TMOD3: variants seen among roughly 807,000 people sequenced by gnomAD.
TMOD3 encodes tropomodulin-3.
A neutral mutation model predicts 39.2 loss-of-function variants in TMOD3; 20 were observed. The observed-to-expected ratio is 0.51, with a 90% CI of 0.36 to 0.74. TMOD3 has a LOEUF of 0.74. Ranked by LOEUF, TMOD3 falls within the 30% of genes least tolerant of loss-of-function variation. The probability of loss-of-function intolerance (pLI) is 0.00; values close to 1 mark genes in which losing one functional copy is unlikely to be tolerated. For missense variants in TMOD3, 381 were observed against 412.8 expected, an observed-to-expected ratio of 0.92 and a Z score of 0.67; for synonymous variants, 143 against 145.8, an observed-to-expected ratio of 0.98 and a Z score of 0.14.
intron 9 of TMOD3, among the ~76,000 whole-genome samples, chr15:51,905,235 C>T (rs1016014728): frequency 3.3e-5 from 5 of 152,182 alleles, no homozygotes; most frequent in Admixed American, 1.3e-4. Context: ...CAGTGGCTCA[C>T]GCCTGTAATC....
chr15:51,875,853 C>T (rs796784955), intron 3 of TMOD3, among the ~76,000 whole-genome samples: 1 of 152,030 alleles, frequency 6.6e-6, no homozygotes, highest in Non-Finnish European at 1.5e-5. Flanking sequence ...CTCCTGACCT[C>T]GTGATCCACC....
intron 1 of TMOD3, among the ~76,000 whole-genome samples, chr15:51,844,376 A>G (rs910512043): frequency 6.6e-6 from 1 of 152,078 alleles, no homozygotes; most frequent in Non-Finnish European, 1.5e-5. Flanking sequence ...GGGGAGGAAA[A>G]CCCTCCGAAA....
At chr15:51,883,149 G>A (rs1436874961) in intron 3 of TMOD3, among the ~76,000 whole-genome samples, 2 of 152,114 alleles carry the variant, frequency 1.3e-5, no homozygotes, top group Non-Finnish European at 2.9e-5. Flanking sequence ...ATAAAGAGGA[G>A]TGCCAGAAGA....
At chr15:51,888,318 T>C (rs1326639252) in intron 4 of TMOD3, among the ~76,000 whole-genome samples, 2 of 152,186 alleles carry the variant, frequency 1.3e-5, no homozygotes, top group Non-Finnish European at 2.9e-5. Flanking sequence ...CAGGAACTAA[T>C]AAATTTGAAT....
intron 1 of TMOD3, among the ~76,000 whole-genome samples, chr15:51,854,772 G>A (rs772788901): frequency 2.6e-5 from 4 of 152,184 alleles, no homozygotes; most frequent in African/African-American, 4.8e-5. Flanking sequence ...TATGGCAACT[G>A]AAATCCCACA....
In TMOD3 at chr15:51,908,773, T is replaced by C. The variant is rs758413403; in HGVS notation, c.1025-3T>C. On this transcript the variant is annotated splice_region_variant and splice_polypyrimidine_tract_variant and intron_variant, in intron 9 of 9. Coordinates refer to ENST00000308580, the MANE Select transcript of TMOD3 (RefSeq NM_014547.5). ...AACATAGTTTCTTTTATTTTTCTCA[T>C]AGTGCGTAAGAGACGAGTTGAAGGA... The C allele has an allele frequency of 3.8e-6, 6 of 1,595,944 alleles. No homozygotes were observed. The highest frequency in any genetic ancestry group is 2.7e-5 in the African/African-American group (2 of 74,134).
intron 2 of TMOD3, among the ~76,000 whole-genome samples, chr15:51,868,798 C>G (rs2056460344): frequency 6.6e-6 from 1 of 152,100 alleles, no homozygotes; most frequent in African/African-American, 2.4e-5. Flanking sequence ...ATGGCAAAAC[C>G]CCATCTCTAC....
At chr15:51,867,006 G>A (rs1310506581) in intron 2 of TMOD3, among the ~76,000 whole-genome samples, 3 of 152,164 alleles carry the variant, frequency 2.0e-5, no homozygotes, top group Non-Finnish European at 2.9e-5. Flanking sequence ...AAAAGGGATA[G>A]GCAGAGCATT....
At chr15:51,860,026 C>A in intron 1 of TMOD3, 1 of 536,258 alleles carries the variant, frequency 1.9e-6, no homozygotes, top group Non-Finnish European at 3.8e-6. Flanking sequence ...TTGGCAGAGT[C>A]TTCACTGCCT....
chr15:51,874,238 G>A (rs1387024777), intron 3 of TMOD3, among the ~76,000 whole-genome samples: 1 of 152,138 alleles, frequency 6.6e-6, no homozygotes, highest in African/African-American at 2.4e-5. Context: ...ACACTTAAGA[G>A]TTATTATATG....
chr15:51,906,401 C>T (rs1382154932), intron 9 of TMOD3, among the ~76,000 whole-genome samples: 1 of 152,158 alleles, frequency 6.6e-6, no homozygotes, highest in Non-Finnish European at 1.5e-5. Flanking sequence ...ATTTTGATAA[C>T]ATCGTTCCCT....
chr15:51,885,723 C>A (rs528567663), intron 3 of TMOD3, among the ~76,000 whole-genome samples: 2 of 152,228 alleles, frequency 1.3e-5, no homozygotes, highest in African/African-American at 2.4e-5. Flanking sequence ...CCGATTTCTC[C>A]TTCTTTTCCC....
intron 6 of TMOD3, among the ~76,000 whole-genome samples, chr15:51,895,192 C>G (rs1356413584): frequency 6.6e-6 from 1 of 151,066 alleles, no homozygotes; most frequent in African/African-American, 2.4e-5. Flanking sequence ...TCAGAGAAAG[C>G]TTATATTCAT....
intron 1 of TMOD3, chr15:51,833,175 A>G (rs2056264786): frequency 6.6e-6 from 1 of 152,262 alleles, no homozygotes; most frequent in Non-Finnish European, 1.5e-5. Context: ...ATAAAAAATT[A>G]TGTATGTGAA....
intron 3 of TMOD3, among the ~76,000 whole-genome samples, chr15:51,872,892 G>T (rs1566859975): frequency 6.6e-6 from 1 of 152,166 alleles, no homozygotes; most frequent in Non-Finnish European, 1.5e-5. Context: ...GGATGAATTT[G>T]TGAGTTTCAT....
At chr15:51,864,750 C>G (rs2141685965) in intron 2 of TMOD3, among the ~76,000 whole-genome samples, 1 of 152,224 alleles carries the variant, frequency 6.6e-6, no homozygotes, top group South Asian at 2.1e-4. Context: ...TAACTAGTCT[C>G]TAGTTGTCCA....
chr15:51,882,980 C>T (rs1044508262), intron 3 of TMOD3, among the ~76,000 whole-genome samples: 2 of 152,128 alleles, frequency 1.3e-5, no homozygotes, highest in Admixed American at 1.3e-4. Context: ...TATAACTAAG[C>T]TTTGTATATA....
chr15:51,881,460 CTG>C (rs1314894361), intron 3 of TMOD3, among the ~76,000 whole-genome samples: 1 of 148,924 alleles, frequency 6.7e-6, no homozygotes, highest in Non-Finnish European at 1.5e-5. Flanking sequence ...TACAATTTAT[CTG>C]TGTTTCTTTT....
intron 5 of TMOD3, among the ~76,000 whole-genome samples, 158 bp from the exon 6 acceptor site, chr15:51,893,657 C>G (rs1371111981): frequency 1.3e-5 from 2 of 151,628 alleles, no homozygotes; most frequent in Non-Finnish European, 2.9e-5. Flanking sequence ...CCCAGCTACT[C>G]AGGAGGCTGA....
Sources: gnomAD v4.1 joint callset for allele counts (sites outside exome capture counted in the v4.1 genomes callset) on GRCh38, gnomAD v4.1.1 for gene constraint, MANE v1.5 for transcripts, NCBI Gene and HGNC (gene_info 2026-07-23, HGNC 2026-07-21) for gene names.